The following DSG1 variants were observed in gnomAD, a reference collection of about 807,000 sequenced individuals.
DSG1 encodes the protein desmoglein 1, also known as desmoglein-1.
In DSG1, 39 loss-of-function variants were observed where a neutral mutation model predicts 97.5. The ratio of observed to expected loss-of-function variants is 0.40; its 90% confidence interval spans 0.31 to 0.52. DSG1 has a LOEUF of 0.52. Ranked by LOEUF, DSG1 falls within the 20% of genes least tolerant of loss-of-function variation. The pLI is 0.53. For synonymous variants in DSG1, 475 were observed against 443.4 expected, an observed-to-expected ratio of 1.07 and a Z score of -0.90; for missense variants, 1,311 against 1,295.4, an observed-to-expected ratio of 1.01 and a Z score of -0.18.
rs751362602 is a variant in DSG1, at chr18:31,339,940, C to T, written c.1602C>T (p.Asn534=). 9.9e-6 allele frequency: 16 copies of T among 1,613,938 alleles called. No homozygotes were observed. The highest frequency in any genetic ancestry group is 6.7e-5 in the African/African-American group (5 of 74,924). The change falls in exon 11 of 15, where the codon AAC becomes AAT. Residue 534 remains asparagine (N), a synonymous_variant. Transcript: ENST00000257192. ...AAGTATATTCTTCTGAACCCGGAAA[C>T]GGAGCCAAAGATTTGTTATCAGACA... The part of the protein sequence containing the change: ...SSQVYSSEPG[N]GAKDLLSDNV...
At chr18:31,352,987 A>C (rs1184643984) in intron 14 of DSG1, among the ~76,000 whole-genome samples, 1 of 149,418 alleles carries the variant, frequency 6.7e-6, no homozygotes, top group South Asian at 2.1e-4. Flanking sequence ...GTCATTCTCC[A>C]TCCAGCTTTG....
At chr18:31,327,106 C>A in intron 3 of DSG1, 101 bp downstream of exon 3, 1 of 1,453,112 alleles carries the variant, frequency 6.9e-7, no homozygotes, top group Non-Finnish European at 9.6e-7. Flanking sequence ...CACCGAGAAG[C>A]TACGATACAG....
At chr18:31,335,188 A>G (rs989346980) in intron 8 of DSG1, among the ~76,000 whole-genome samples, 1 of 152,140 alleles carries the variant, frequency 6.6e-6, no homozygotes, top group Admixed American at 6.6e-5. Context: ...GCATCCCTGC[A>G]AATTAGGTTA....
intron 14 of DSG1, among the ~76,000 whole-genome samples, chr18:31,349,450 C>T (rs1301892128): frequency 1.3e-5 from 2 of 151,254 alleles, no homozygotes; most frequent in Non-Finnish European, 2.9e-5. Context: ...GCGATGCGGG[C>T]TCCTTTTTTG....
chr18:31,351,068 C>G (rs1456659338), intron 14 of DSG1, among the ~76,000 whole-genome samples: 1 of 149,072 alleles, frequency 6.7e-6, no homozygotes, highest in Admixed American at 6.6e-5. Context: ...GTTAGGGTGT[C>G]AATTTGGGAT....
intron 3 of DSG1, 55 bp from the exon 4 acceptor site, chr18:31,328,134 A>G: frequency 6.3e-7 from 1 of 1,594,144 alleles, no homozygotes; most frequent in Non-Finnish European, 8.6e-7. Context: ...GTCGTATATC[A>G]AATATAGAAC....
chr18:31,337,091 T>A (rs2071760359), intron 9 of DSG1, among the ~76,000 whole-genome samples: 1 of 152,212 alleles, frequency 6.6e-6, no homozygotes. Flanking sequence ...AACTACACCA[T>A]GTAATTTTTT....
intron 14 of DSG1, chr18:31,347,853 C>T (rs2071854447): frequency 6.6e-6 from 1 of 151,958 alleles, no homozygotes; most frequent in South Asian, 2.1e-4. Flanking sequence ...TGAGTGAACC[C>T]AACTCAACTA....
chr18:31,327,518 T>C (rs1367834057), intron 3 of DSG1, among the ~76,000 whole-genome samples: 3 of 152,036 alleles, frequency 2.0e-5, no homozygotes, highest in Non-Finnish European at 4.4e-5. Flanking sequence ...CGTCCACAGA[T>C]ACACACACGA....
chr18:31,358,717 A>G lies in DSG1; in HGVS notation c.*3371A>G, dbSNP rs2071978775. On this transcript the variant is annotated 3_prime_UTR_variant, in exon 15 of 15. Transcript: ENST00000257192. ...ATTTAAGACCCAAAGCAAACTTTTAAAAGTATTTGCCACATTTTCCCATGC... is the reference window on the plus strand; with the variant it reads ...ATTTAAGACCCAAAGCAAACTTTTAGAAGTATTTGCCACATTTTCCCATGC... 6.6e-6 allele frequency among the ~76,000 whole-genome samples: 1 copy of G among 152,080 alleles called. No individual in the cohort carries two copies. Among genetic ancestry groups the G allele is most frequent in the African/African-American group, 2.4e-5 (1 of 41,434 alleles).
intron 6 of DSG1, among the ~76,000 whole-genome samples, chr18:31,332,486 T>G (rs535179301): frequency 5.0e-4 from 76 of 152,238 alleles, no homozygotes; most frequent in African/African-American, 1.7e-3. Context: ...ACTAGTGATG[T>G]TAACAGAGTA....
At position 31,338,445 on chromosome 18, in the gene DSG1, T is replaced by A; in HGVS notation, c.1396T>A (p.Ser466Thr). The A allele has an allele frequency of 6.2e-7, 1 of 1,613,226 alleles. No homozygotes were observed. The highest frequency in any genetic ancestry group is 1.1e-5 in the South Asian group (1 of 91,070). Residue 466 changes from serine (S) to threonine (T), a missense_variant, in exon 10 of 15, where the codon TCT (serine) becomes ACT (threonine). By Grantham distance (58) the Ser-to-Thr change is moderately conservative. Transcript: ENST00000257192. Reference sequence around the variant, plus strand: ...AGGAAAATACCAAGGAACGATTCTCTCTATAGATGGTAAGAAATTAATTTA... The same window carrying A: ...AGGAAAATACCAAGGAACGATTCTCACTATAGATGGTAAGAAATTAATTTA... ...LGGKYQGTIL[S>T]IDDNLQRTCT...
intron 11 of DSG1, among the ~76,000 whole-genome samples, chr18:31,341,300 A>T (rs2071787211): frequency 6.6e-6 from 1 of 152,250 alleles, no homozygotes; most frequent in East Asian, 1.9e-4. Flanking sequence ...ATTTAAATCA[A>T]ACGCTCACAC....
intron 14 of DSG1, among the ~76,000 whole-genome samples, chr18:31,348,751 G>A (rs2071866670): frequency 7.3e-6 from 1 of 137,402 alleles, no homozygotes; most frequent in East Asian, 2.2e-4. Flanking sequence ...GTGTTTTTTG[G>A]CTGCATAAAT....
chr18:31,331,956 T>C (rs1056417541), intron 6 of DSG1, 89 bp downstream of exon 6: 52 of 1,316,950 alleles, frequency 3.9e-5, no homozygotes, highest in Non-Finnish European at 5.5e-5. Context: ...ATGAAGAAAA[T>C]GATGGTTTAA....
intron 9 of DSG1, 68 bp downstream of exon 9, chr18:31,336,681 A>T: frequency 6.8e-7 from 1 of 1,479,142 alleles, no homozygotes; most frequent in South Asian, 1.2e-5. Context: ...CTTTTTATAG[A>T]TTATAAGTAT....
Position 31,358,860 on chromosome 18 carries a change from G to A in DSG1, c.*3514G>A, listed in dbSNP as rs1018986838. Among the ~76,000 whole-genome samples the A allele has an allele frequency of 9.2e-5, 14 of 151,984 alleles. No homozygotes were observed. Among genetic ancestry groups the A allele is most frequent in the South Asian group, 2.1e-4 (1 of 4,814 alleles). Reference sequence around the variant, plus strand: ...TGCTACTCTCCTTGAAATCAAATCTGTCTTCCACTTCCGGATTATTCAATT... The same window carrying A: ...TGCTACTCTCCTTGAAATCAAATCTATCTTCCACTTCCGGATTATTCAATT... On this transcript the variant is annotated 3_prime_UTR_variant, in exon 15 of 15. Transcript: ENST00000257192.
chr18:31,345,080 C>G (rs1444565243), intron 13 of DSG1, among the ~76,000 whole-genome samples: 1 of 152,150 alleles, frequency 6.6e-6, no homozygotes, highest in Non-Finnish European at 1.5e-5. Context: ...CAAATCAGTT[C>G]TCAAGACATT....
At position 31,318,340 on chromosome 18, in the gene DSG1, A is replaced by G; in HGVS notation, c.40A>G (p.Ile14Val). The G allele has an allele frequency of 1.2e-6, 2 of 1,613,018 alleles. No homozygotes were observed. Among genetic ancestry groups the G allele is most frequent in the South Asian group, 1.1e-5 (1 of 91,060 alleles). The change falls in exon 1 of 15, where the codon ATT (isoleucine) becomes GTT (valine). Residue 14 changes from isoleucine (I) to valine (V), a missense_variant. Transcript: ENST00000257192. ...SFFRVVAMLF[I>V]FLVVVEVNSE... Reference sequence around the variant, plus strand: ...CTTCAGAGTAGTTGCAATGCTGTTCATTTTTCTGGTGAGTGGATTCTGGTA... The same window carrying G: ...CTTCAGAGTAGTTGCAATGCTGTTCGTTTTTCTGGTGAGTGGATTCTGGTA...
Sources: gnomAD v4.1 joint callset for allele counts (sites outside exome capture counted in the v4.1 genomes callset) on GRCh38, gnomAD v4.1.1 for gene constraint, MANE v1.5 for transcripts, NCBI Gene and HGNC (gene_info 2026-07-23, HGNC 2026-07-21) for gene names.